The following CACNB2 variants were observed in gnomAD, a reference collection of about 807,000 sequenced individuals.
CACNB2 encodes the protein calcium voltage-gated channel auxiliary subunit beta 2, also known as voltage-dependent L-type calcium channel subunit beta-2.
CACNB2 carries 42 observed loss-of-function variants against 73.3 expected under a neutral mutation model. The observed-to-expected ratio is 0.57, with a 90% CI of 0.45 to 0.74. The LOEUF (loss-of-function observed/expected upper bound fraction) is 0.74, where lower values mean the gene tolerates loss of function less well. Ranked by LOEUF, CACNB2 falls within the 30% of genes least tolerant of loss-of-function variation. CACNB2 has a pLI of 0.00. For synonymous variants in CACNB2, 348 were observed against 310.3 expected (o/e 1.12, Z -1.28); for missense variants, 940 against 853.0 (o/e 1.10, Z -1.27).
At chr10:18,462,325 G>A (rs1196838725) in intron 3 of CACNB2, among the ~76,000 whole-genome samples, 2 of 152,000 alleles carry the variant, frequency 1.3e-5, no homozygotes, top group Non-Finnish European at 2.9e-5. Flanking sequence ...ACAATCCGCA[G>A]CTCACTGCAG....
chr10:18,191,321 C>T (rs973664168), intron 2 of CACNB2, among the ~76,000 whole-genome samples: 1 of 152,212 alleles, frequency 6.6e-6, no homozygotes, highest in African/African-American at 2.4e-5. Context: ...GGGGAAGGAA[C>T]TAGAACTTGA....
chr10:18,334,929 T>C (rs2132036721), intron 2 of CACNB2, among the ~76,000 whole-genome samples: 1 of 152,316 alleles, frequency 6.6e-6, no homozygotes, highest in Non-Finnish European at 1.5e-5. Flanking sequence ...AAGCATTGTT[T>C]TGTTTCGTGC....
intron 2 of CACNB2, among the ~76,000 whole-genome samples, chr10:18,334,585 A>G (rs1252266028): frequency 6.6e-6 from 1 of 152,166 alleles, no homozygotes; most frequent in South Asian, 2.1e-4. Context: ...CACTATGGAC[A>G]TATTGTGCAG....
At chr10:18,470,927 C>T (rs548698553) in intron 3 of CACNB2, among the ~76,000 whole-genome samples, 5 of 152,204 alleles carry the variant, frequency 3.3e-5, no homozygotes, top group Admixed American at 6.5e-5. Context: ...TGCCAGTGTC[C>T]GTTCTCCTGG....
intron 2 of CACNB2, among the ~76,000 whole-genome samples, chr10:18,252,039 G>C (rs1003304620): frequency 6.6e-6 from 1 of 152,214 alleles, no homozygotes; most frequent in Admixed American, 6.5e-5. Flanking sequence ...CTGGGTGCCT[G>C]TATCAGTAAA....
chr10:18,356,762 T>A (rs1259753771), intron 2 of CACNB2, among the ~76,000 whole-genome samples: 1 of 151,868 alleles, frequency 6.6e-6, no homozygotes, highest in Non-Finnish European at 1.5e-5. Flanking sequence ...TCCAAGTAGC[T>A]GGAACCACAG....
chr10:18,348,664 C>T (rs952085118), intron 2 of CACNB2, among the ~76,000 whole-genome samples: 8 of 152,078 alleles, frequency 5.3e-5, no homozygotes, highest in Admixed American at 2.0e-4. Context: ...CCACCATGCC[C>T]GGCTATTTTT....
At chr10:18,423,716 A>G (rs2045448338) in intron 3 of CACNB2, among the ~76,000 whole-genome samples, 1 of 152,332 alleles carries the variant, frequency 6.6e-6, no homozygotes, top group Middle Eastern at 3.4e-3. Flanking sequence ...GGACTCAAGC[A>G]TAAGACATAC....
intron 3 of CACNB2, among the ~76,000 whole-genome samples, chr10:18,412,206 C>T (rs1046733711): frequency 1.3e-5 from 2 of 152,182 alleles, no homozygotes; most frequent in African/African-American, 2.4e-5. Flanking sequence ...GTCATGTTTG[C>T]TAATGTCCCA....
intron 3 of CACNB2, among the ~76,000 whole-genome samples, chr10:18,486,043 A>G (rs1031535670): frequency 4.6e-5 from 7 of 152,154 alleles, no homozygotes; most frequent in African/African-American, 1.7e-4. Context: ...TGACAGTTTC[A>G]GGATGAAAAT....
rs7893583 is a variant in CACNB2, at chr10:18,214,971, G to A, written c.213+63996G>A. Among the ~76,000 whole-genome samples, 873 of 152,288 alleles carry A rather than the reference G, an allele frequency of 5.7e-3. 10 individuals carry two copies. Among genetic ancestry groups the A allele is most frequent in the African/African-American group, 0.019 (806 of 41,538 alleles). On this transcript the variant is annotated intron_variant, in intron 2 of 13. Transcript: ENST00000324631. The stretch of plus-strand genomic sequence containing the variant: ...TGTAATGCTTATGCTCACGATAAGA[G>A]TAATACGAATTATTTACATGGATTT...
At chr10:18,444,594 A>G (rs964596385) in intron 3 of CACNB2, among the ~76,000 whole-genome samples, 20 of 152,298 alleles carry the variant, frequency 1.3e-4, no homozygotes, top group Admixed American at 1.1e-3. Context: ...TCCCACAGCT[A>G]GGAAAAAAGT....
chr10:18,333,210 G>A (rs577608932), intron 2 of CACNB2, among the ~76,000 whole-genome samples: 4 of 152,074 alleles, frequency 2.6e-5, no homozygotes, highest in East Asian at 3.9e-4. Context: ...AATTCAACGC[G>A]CTTTCTCAAA....
At chr10:18,150,676 A>G (rs180876333) in intron 1 of CACNB2, among the ~76,000 whole-genome samples, 21 of 152,230 alleles carry the variant, frequency 1.4e-4, no homozygotes, top group African/African-American at 4.8e-4. Flanking sequence ...AAAAGAAAAG[A>G]AAAGAAAACT....
At chr10:18,143,190 AG>A (rs1347039837) in intron 1 of CACNB2, among the ~76,000 whole-genome samples, 2 of 152,204 alleles carry the variant, frequency 1.3e-5, no homozygotes, top group Non-Finnish European at 2.9e-5. Flanking sequence ...GAACTGTGGA[AG>A]GAGTTCAAAA....
intron 7 of CACNB2, among the ~76,000 whole-genome samples, chr10:18,517,778 A>T (rs1016643916): frequency 1.6e-4 from 25 of 152,352 alleles, no homozygotes; most frequent in African/African-American, 5.8e-4. Flanking sequence ...ATAATATAGA[A>T]TTTTGACAGT....
chr10:18,159,362 A>G (rs1217898599), intron 2 of CACNB2, among the ~76,000 whole-genome samples: 1 of 152,208 alleles, frequency 6.6e-6, no homozygotes, highest in Admixed American at 6.6e-5. Context: ...TTAGGAATCC[A>G]CAACTGTTTT....
intron 2 of CACNB2, among the ~76,000 whole-genome samples, chr10:18,286,322 C>G (rs374698985): frequency 8.6e-5 from 13 of 151,988 alleles, no homozygotes; most frequent in African/African-American, 2.2e-4. Context: ...CCAGACCATC[C>G]TGGCTAACAC....
chr10:18,266,469 A>T (rs1248209200), intron 2 of CACNB2, among the ~76,000 whole-genome samples: 1 of 152,116 alleles, frequency 6.6e-6, no homozygotes, highest in Non-Finnish European at 1.5e-5. Flanking sequence ...GAAGTGCTGA[A>T]GTGCCTGTTC....
Sources: gnomAD v4.1 joint callset for allele counts (sites outside exome capture counted in the v4.1 genomes callset) on GRCh38, gnomAD v4.1.1 for gene constraint, MANE v1.5 for transcripts, NCBI Gene and HGNC (gene_info 2026-07-23, HGNC 2026-07-21) for gene names.